Variants in ARHGAP29 observed in about 807,000 individuals in gnomAD.
ARHGAP29 encodes Rho GTPase activating protein 29, also known as rho GTPase-activating protein 29.
In ARHGAP29, 43 loss-of-function variants were observed where a neutral mutation model predicts 122.6. That is an observed-to-expected ratio of 0.35 (90% confidence interval 0.27 to 0.45). The LOEUF (loss-of-function observed/expected upper bound fraction) is 0.45. Ranked by LOEUF, ARHGAP29 falls within the 20% of genes least tolerant of loss-of-function variation. ARHGAP29 has a pLI of 1.00. For synonymous variants in ARHGAP29, 506 were observed against 497.1 expected, an observed-to-expected ratio of 1.02 and a Z score of -0.24; for missense variants, 1,303 against 1,477.2, an observed-to-expected ratio of 0.88 and a Z score of 1.93.
At chr1:94,245,332 C>T (rs186384043) in intron 1 of ARHGAP29, among the ~76,000 whole-genome samples, 60 of 152,202 alleles carry the variant, frequency 3.9e-4, no homozygotes, top group Non-Finnish European at 6.6e-4. Flanking sequence ...CAAAACAACC[C>T]AAACTCCATC....
intron 8 of ARHGAP29, among the ~76,000 whole-genome samples, chr1:94,203,505 T>G (rs1423972236): frequency 6.6e-6 from 1 of 152,056 alleles, no homozygotes; most frequent in Non-Finnish European, 1.5e-5. Context: ...GAGGCCAAGG[T>G]GGGTGGATTA....
rs1247395280 is a variant in ARHGAP29 at position 94,204,915 on chromosome 1, A to T, written c.697+146T>A. 8 of 772,004 alleles carry T rather than the reference A, an allele frequency of 1.0e-5. No homozygotes were observed. In the East Asian group the frequency reaches 2.3e-4, roughly 23 times the overall value. 47.8% of individuals were successfully genotyped at this position (772,004 alleles called of 1,614,324 possible). A position where few individuals can be genotyped will look rare whatever the true frequency, so the allele number is the denominator to read the frequency against. On this transcript the variant is annotated intron_variant, in intron 7 of 22. Transcript: ENST00000260526. ...ATACTCACTAATTCCATCTAGTGTA[A>T]GAAGAGTCTTTTCTGGATAATGGTT...
intron 1 of ARHGAP29, among the ~76,000 whole-genome samples, chr1:94,252,389 C>T (rs1457350419): frequency 1.3e-5 from 2 of 152,170 alleles, no homozygotes; most frequent in African/African-American, 4.8e-5. Context: ...AAAGTGAAGC[C>T]TCTGGTCATT....
the ARHGAP29 span, among the ~76,000 whole-genome samples, chr1:94,283,599 G>T: frequency 6.6e-6 from 1 of 152,082 alleles, no homozygotes; most frequent in African/African-American, 2.4e-5. Flanking sequence ...GTCATTCTAG[G>T]GAGAGTGATG....
intron 3 of ARHGAP29, among the ~76,000 whole-genome samples, chr1:94,217,032 T>C (rs928890152): frequency 1.3e-5 from 2 of 152,236 alleles, no homozygotes; most frequent in African/African-American, 4.8e-5. Flanking sequence ...TTCCAATTTC[T>C]CACTTCTTAT....
chr1:94,282,313 G>A, the ARHGAP29 span, among the ~76,000 whole-genome samples: 1 of 150,968 alleles, frequency 6.6e-6, no homozygotes, highest in Non-Finnish European at 1.5e-5. Flanking sequence ...TTGAGACGAA[G>A]TCTCCCTCTG....
chr1:94,247,738 T>C lies in ARHGAP29; in HGVS notation c.-32-16095A>G, dbSNP rs936564531. 1.9e-5 allele frequency: 13 copies of C among 694,806 alleles called. No individual in the cohort carries two copies. The African/African-American group carries it at 2.2e-4, about 12-fold the overall frequency. 43.0% of individuals were successfully genotyped at this position (694,806 alleles called of 1,614,324 possible). ...CACCACCACCACAGCGGCCGCCGCC[T>C]TTGCAGCTACCGCCACGGCTGCGCC... On this transcript the variant is annotated intron_variant and NMD_transcript_variant, in intron 1 of 25. Transcript: ENST00000552844.
the ARHGAP29 span, among the ~76,000 whole-genome samples, chr1:94,296,456 A>T: frequency 6.6e-6 from 1 of 152,202 alleles, no homozygotes; most frequent in African/African-American, 2.4e-5. Context: ...TTATAAGTTA[A>T]AAGTTATAGG....
intron 1 of ARHGAP29, among the ~76,000 whole-genome samples, chr1:94,260,005 A>G (rs1472176406): frequency 2.0e-5 from 3 of 152,180 alleles, no homozygotes; most frequent in Non-Finnish European, 4.4e-5. Flanking sequence ...GAGTTTCTGT[A>G]GAGGACCAGA....
upstream of ARHGAP29, among the ~76,000 whole-genome samples, chr1:94,240,841 A>G (rs1380167001): frequency 6.6e-6 from 1 of 152,226 alleles, no homozygotes; most frequent in East Asian, 1.9e-4. Flanking sequence ...TGCACAGATT[A>G]GTATTCTTTC....
chr1:94,305,778 A>T, the ARHGAP29 span, among the ~76,000 whole-genome samples: 3 of 152,334 alleles, frequency 2.0e-5, no homozygotes, highest in Admixed American at 2.0e-4. Context: ...GAATATTCTA[A>T]TTGGTGGTAT....
rs1296061287 is a variant in ARHGAP29 at position 94,172,361 on chromosome 1, T to C, written c.*1508A>G. 6.6e-6 allele frequency: 1 copy of C among 151,994 alleles called. No individual in the cohort carries two copies. Among genetic ancestry groups the C allele is most frequent in the Non-Finnish European group, 1.5e-5 (1 of 67,946 alleles). 9.4% of individuals were successfully genotyped at this position (151,994 alleles called of 1,614,324 possible). ...TTAGGTATTCATAGCAATATGATTA[T>C]TTTATATTTTGTACAATGAGGACTA... On this transcript the variant is annotated 3_prime_UTR_variant, in exon 23 of 23. Transcript: ENST00000260526.
intron 1 of ARHGAP29, among the ~76,000 whole-genome samples, chr1:94,236,337 ACT>A (rs1233006572): frequency 6.6e-6 from 1 of 152,178 alleles, no homozygotes; most frequent in Non-Finnish European, 1.5e-5. Context: ...GGCAGGCAGT[ACT>A]CTCCTTTGAC....
At chr1:94,216,329 G>A (rs1335399220) in intron 3 of ARHGAP29, among the ~76,000 whole-genome samples, 5 of 152,138 alleles carry the variant, frequency 3.3e-5, no homozygotes, top group Non-Finnish European at 5.9e-5. Context: ...AAAAGAATGA[G>A]GAAACCCTTT....
At chr1:94,266,252 G>A (rs1335077827) in intron 1 of ARHGAP29, among the ~76,000 whole-genome samples, 2 of 152,210 alleles carry the variant, frequency 1.3e-5, no homozygotes, top group East Asian at 3.8e-4. Flanking sequence ...GGCATTGAAT[G>A]AACACTGGTC....
At chr1:94,225,846 A>C (rs1373150182) in intron 2 of ARHGAP29, among the ~76,000 whole-genome samples, 3 of 152,076 alleles carry the variant, frequency 2.0e-5, no homozygotes, top group Non-Finnish European at 4.4e-5. Flanking sequence ...TAGAATAGTA[A>C]AACTCCTGTA....
At chr1:94,205,315 T>A (rs1013088280) in intron 6 of ARHGAP29, 117 bp from the exon 7 acceptor site, 6 of 827,364 alleles carry the variant, frequency 7.3e-6, no homozygotes, top group South Asian at 6.3e-5. Context: ...TTAAAAAAAA[T>A]ACAAGTGACA....
At chr1:94,215,544 AG>A (rs139218084) in intron 3 of ARHGAP29, among the ~76,000 whole-genome samples, 3,250 of 152,246 alleles carry the variant, frequency 0.021, 71 homozygotes, top group East Asian at 0.087. Flanking sequence ...TTTATGATAA[AG>A]GTGACATCTC....
At chr1:94,307,382 T>C in the ARHGAP29 span, among the ~76,000 whole-genome samples, 757 of 152,358 alleles carry the variant, frequency 5.0e-3, 3 homozygotes, top group African/African-American at 0.017. Flanking sequence ...CTTTGAATAA[T>C]ATTTCCTCTA....
Sources: allele counts gnomAD v4.1 joint callset (sites outside exome capture counted in the v4.1 genomes callset), GRCh38; gene constraint gnomAD v4.1.1; transcripts MANE v1.5; gene names NCBI Gene and HGNC (gene_info 2026-07-23, HGNC 2026-07-21).